SRD5A2: variants seen among roughly 807,000 people sequenced by gnomAD.
SRD5A2 encodes the protein steroid 5 alpha-reductase 2.
SRD5A2 carries 30 observed loss-of-function variants against 27.4 expected under a neutral mutation model. The ratio of observed to expected loss-of-function variants is 1.10; its 90% CI spans 0.82 to 1.49. The LOEUF is 1.49. Ranked by LOEUF, SRD5A2 falls within the 40% of genes most tolerant of loss-of-function variation. The pLI, the probability that SRD5A2 is intolerant of heterozygous loss-of-function variation, is 0.00. For missense variants in SRD5A2, 348 were observed against 323.4 expected, an observed-to-expected ratio of 1.08 and a Z score of -0.58; for synonymous variants, 141 against 133.6, an observed-to-expected ratio of 1.06 and a Z score of -0.38.
chr2:31,589,419 A>AG, the SRD5A2 span, among the ~76,000 whole-genome samples: 1 of 152,250 alleles, frequency 6.6e-6, no homozygotes, highest in Non-Finnish European at 1.5e-5. Context: ...TAGTGAGGGC[A>AG]GGAAGGTGTG....
At chr2:31,613,727 T>G in the SRD5A2 span, among the ~76,000 whole-genome samples, 1 of 152,120 alleles carries the variant, frequency 6.6e-6, no homozygotes, top group Non-Finnish European at 1.5e-5. Context: ...CTGGGTAATC[T>G]ATAAAGAAAA....
At chr2:31,554,482 C>T (rs1666451479) in intron 1 of SRD5A2, among the ~76,000 whole-genome samples, 1 of 152,152 alleles carries the variant, frequency 6.6e-6, no homozygotes, top group Non-Finnish European at 1.5e-5. Flanking sequence ...TATGGACATT[C>T]CCTGTGGTAT....
At chr2:31,625,276 G>C in the SRD5A2 span, among the ~76,000 whole-genome samples, 1 of 152,100 alleles carries the variant, frequency 6.6e-6, no homozygotes, top group Non-Finnish European at 1.5e-5. Flanking sequence ...CGTCAGATAG[G>C]TATATTGCAA....
At chr2:31,573,941 C>T (rs1057239194) in intron 1 of SRD5A2, among the ~76,000 whole-genome samples, 4 of 152,224 alleles carry the variant, frequency 2.6e-5, no homozygotes, top group Non-Finnish European at 4.4e-5. Context: ...TCCTGGATCT[C>T]TCAGTTAGTT....
intron 1 of SRD5A2, among the ~76,000 whole-genome samples, chr2:31,546,921 A>C (rs1572639522): frequency 6.6e-6 from 1 of 152,046 alleles, no homozygotes; most frequent in Non-Finnish European, 1.5e-5. Context: ...ACATGGAGAA[A>C]CCCTGTCTCT....
At chr2:31,529,522 G>A in intron 3 of SRD5A2, 65 bp from the exon 4 acceptor site, 12 of 1,572,234 alleles carry the variant, frequency 7.6e-6, no homozygotes, top group Non-Finnish European at 1.0e-5. Context: ...AAACCCATCT[G>A]TGTTGTTCCA....
intron 1 of SRD5A2, among the ~76,000 whole-genome samples, chr2:31,535,176 C>T (rs1463463430): frequency 1.3e-5 from 2 of 152,142 alleles, no homozygotes; most frequent in Non-Finnish European, 2.9e-5. Flanking sequence ...CACCTGCCAC[C>T]ATGCCCAGCT....
chr2:31,626,918 C>CT, the SRD5A2 span, among the ~76,000 whole-genome samples: 3 of 152,018 alleles, frequency 2.0e-5, no homozygotes, highest in Admixed American at 2.0e-4. Flanking sequence ...GATTGGAATA[C>CT]TTTCAGAAGG....
the SRD5A2 span, among the ~76,000 whole-genome samples, chr2:31,590,998 G>A: frequency 6.6e-6 from 1 of 152,168 alleles, no homozygotes; most frequent in South Asian, 2.1e-4. Context: ...AGAAAACCTA[G>A]GCAATACCAT....
intron 1 of SRD5A2, among the ~76,000 whole-genome samples, chr2:31,551,972 C>CT (rs1666389555): frequency 6.6e-6 from 1 of 151,758 alleles, no homozygotes; most frequent in Non-Finnish European, 1.5e-5. Context: ...GGAGACAATC[C>CT]TCAGGATCTA....
the SRD5A2 span, among the ~76,000 whole-genome samples, chr2:31,619,295 T>C: frequency 8.5e-5 from 13 of 152,166 alleles, no homozygotes; most frequent in Non-Finnish European, 1.6e-4. Flanking sequence ...GACCGAGTAA[T>C]TCTATTTCTA....
chr2:31,609,805 G>A, the SRD5A2 span, among the ~76,000 whole-genome samples: 10 of 151,926 alleles, frequency 6.6e-5, no homozygotes, highest in Admixed American at 6.6e-4. Flanking sequence ...CCCACAAAAT[G>A]GGAGAAATAT....
At chr2:31,582,323 G>C (rs951235521), upstream of SRD5A2, among the ~76,000 whole-genome samples, 5 of 152,066 alleles carry the variant, frequency 3.3e-5, no homozygotes, top group Admixed American at 6.5e-5. Flanking sequence ...CTCCCGTTTG[G>C]GGTGTCTCCT....
chr2:31,554,559 A>G (rs540847594), intron 1 of SRD5A2, among the ~76,000 whole-genome samples: 5 of 152,328 alleles, frequency 3.3e-5, no homozygotes, highest in African/African-American at 1.2e-4. Flanking sequence ...CAAATGTGGA[A>G]AAACAGAAAG....
At chr2:31,627,415 A>C in the SRD5A2 span, among the ~76,000 whole-genome samples, 1 of 140,674 alleles carries the variant, frequency 7.1e-6, no homozygotes. Flanking sequence ...TCCTGTATTC[A>C]CTGTTCTTTT....
At chr2:31,560,190 C>T (rs1666592593) in intron 1 of SRD5A2, among the ~76,000 whole-genome samples, 2 of 151,990 alleles carry the variant, frequency 1.3e-5, no homozygotes, top group Non-Finnish European at 2.9e-5. Context: ...AGTCCTGGCC[C>T]TATATCCTCT....
chr2:31,565,619 T>C (rs376142977), intron 1 of SRD5A2, among the ~76,000 whole-genome samples: 1 of 151,948 alleles, frequency 6.6e-6, no homozygotes, highest in African/African-American at 2.4e-5. Context: ...ATAAAGAAGA[T>C]TGTTTCATCA....
intron 1 of SRD5A2, among the ~76,000 whole-genome samples, chr2:31,555,037 C>T (rs1666467345): frequency 1.3e-5 from 2 of 150,912 alleles, no homozygotes; most frequent in South Asian, 2.1e-4. Context: ...GTAATGTGCC[C>T]AAGGCCACAC....
chr2:31,616,725 T>A, the SRD5A2 span, among the ~76,000 whole-genome samples: 7 of 152,196 alleles, frequency 4.6e-5, no homozygotes, highest in African/African-American at 1.7e-4. Flanking sequence ...TTGCTTCAGA[T>A]GAGACTTTGG....
Sources: allele counts gnomAD v4.1 joint callset (sites outside exome capture counted in the v4.1 genomes callset), GRCh38; gene constraint gnomAD v4.1.1; transcripts MANE v1.5; gene names NCBI Gene and HGNC (gene_info 2026-07-23, HGNC 2026-07-21).